Variants in RIMBP2 observed in about 807,000 individuals in gnomAD.
RIMBP2 encodes RIMS-binding protein 2.
A neutral mutation model predicts 118.6 loss-of-function variants in RIMBP2; 48 were observed. That is an observed-to-expected ratio of 0.40 (90% CI 0.32 to 0.51). The LOEUF (loss-of-function observed/expected upper bound fraction) is 0.51. Among genes scored for constraint, RIMBP2 ranks in the 20% least tolerant of loss-of-function variants. The pLI is 0.41. For synonymous variants in RIMBP2, 762 were observed against 742.9 expected, an observed-to-expected ratio of 1.03 and a Z score of -0.42; for missense variants, 1,551 against 1,768.3, an observed-to-expected ratio of 0.88 and a Z score of 2.20.
chr12:130,509,382 G>C (rs2050677589), intron 3 of RIMBP2, among the ~76,000 whole-genome samples: 1 of 152,182 alleles, frequency 6.6e-6, no homozygotes, highest in Non-Finnish European at 1.5e-5. Flanking sequence ...GCAGCTGCAG[G>C]TCCTCTAAGC....
intron 1 of RIMBP2, among the ~76,000 whole-genome samples, chr12:130,697,911 A>T (rs890284524): frequency 2.6e-5 from 4 of 152,238 alleles, no homozygotes; most frequent in African/African-American, 7.2e-5. Context: ...ACTTGCAGGA[A>T]ATGCAAGAAT....
intron 19 of RIMBP2, among the ~76,000 whole-genome samples, chr12:130,410,770 G>C (rs562435210): frequency 4.6e-5 from 7 of 152,288 alleles, no homozygotes; most frequent in South Asian, 4.1e-4. Context: ...CTCTATAGTA[G>C]TAAGCTTGCA....
At chr12:130,592,022 G>A (rs775808684) in intron 2 of RIMBP2, among the ~76,000 whole-genome samples, 8 of 152,202 alleles carry the variant, frequency 5.3e-5, no homozygotes, top group Non-Finnish European at 7.3e-5. Flanking sequence ...AACTCTCAGC[G>A]TCTGCAGGAG....
intron 1 of RIMBP2, among the ~76,000 whole-genome samples, chr12:130,646,173 GCCTCTCCACCTC>G (rs1296406596): frequency 5.0e-4 from 2 of 3,972 alleles, no homozygotes; most frequent in Admixed American, 2.5e-3. Flanking sequence ...CTCACCACCT[GCCTCTCCACCTC>G]CCTCACCACT....
intron 21 of RIMBP2, among the ~76,000 whole-genome samples, chr12:130,405,739 G>A (rs2075112307): frequency 6.6e-6 from 1 of 150,488 alleles, no homozygotes; most frequent in Non-Finnish European, 1.5e-5. Context: ...AGGTAAGGGA[G>A]AAGTCCTAAA....
At chr12:130,675,883 C>A (rs73159188) in intron 1 of RIMBP2, among the ~76,000 whole-genome samples, 5 of 152,220 alleles carry the variant, frequency 3.3e-5, no homozygotes, top group Admixed American at 3.3e-4. Context: ...GGCTAGACCT[C>A]GCATGCTGCA....
chr12:130,553,165 A>AAG (rs1555289407), intron 2 of RIMBP2, among the ~76,000 whole-genome samples: 14 of 150,006 alleles, frequency 9.3e-5, no homozygotes, highest in South Asian at 2.1e-4. Context: ...AAAAAAAAAA[A>AAG]GAAAAGAAAA....
At chr12:130,701,337 G>A (rs960257770) in intron 1 of RIMBP2, among the ~76,000 whole-genome samples, 3 of 152,222 alleles carry the variant, frequency 2.0e-5, no homozygotes, top group Admixed American at 2.0e-4. Context: ...AGAACCAGCA[G>A]GTGTTGTGGT....
chr12:130,499,909 A>C (rs141682972), intron 4 of RIMBP2, among the ~76,000 whole-genome samples: 16 of 152,328 alleles, frequency 1.1e-4, no homozygotes, highest in African/African-American at 3.6e-4. Flanking sequence ...TTTTGAATGA[A>C]TATATCTTTA....
chr12:130,436,572 C>G (rs570069067), intron 13 of RIMBP2, among the ~76,000 whole-genome samples: 3 of 152,336 alleles, frequency 2.0e-5, no homozygotes, highest in Admixed American at 6.5e-5. Context: ...AAGGCCATGT[C>G]TGGATTCTTC....
chr12:130,471,087 T>C (rs1382085647), intron 5 of RIMBP2, among the ~76,000 whole-genome samples: 1 of 152,192 alleles, frequency 6.6e-6, no homozygotes, highest in Non-Finnish European at 1.5e-5. Flanking sequence ...AACCTAATCC[T>C]GCAGACTTGA....
At chr12:130,704,399 A>C (rs951127655) in intron 1 of RIMBP2, among the ~76,000 whole-genome samples, 3 of 152,040 alleles carry the variant, frequency 2.0e-5, no homozygotes, top group African/African-American at 7.2e-5. Flanking sequence ...AATTGGCGAA[A>C]CCCTGTCTCC....
intron 14 of RIMBP2, chr12:130,430,787 C>G (rs921968392): frequency 6.6e-6 from 1 of 152,052 alleles, no homozygotes; most frequent in Non-Finnish European, 1.5e-5. Flanking sequence ...CCTGCCACCA[C>G]GCCCAGCTAA....
rs2140826830 is a variant in RIMBP2 at position 130,621,006 on chromosome 12, GC to G, written c.-217+7315del. On this transcript the variant is annotated intron_variant, in intron 2 of 22. Coordinates refer to ENST00000690449, the MANE Select transcript of RIMBP2 (RefSeq NM_001393629.1). This position sits in a 1 kb window ranked among gnomAD's most constrained non-coding sequence, Gnocchi z 6.6. ...TTAGCCATGGGCGGGCGAGCAACCT[GC>G]CTTGAGATCTGGCTGAATGGGGAGG... is the stretch of plus-strand genomic sequence containing the variant. Among the ~76,000 whole-genome samples, 1 of 152,288 alleles carries G rather than the reference GC, an allele frequency of 6.6e-6. No individual in the cohort carries two copies. The highest frequency in any genetic ancestry group is 2.1e-4 in the South Asian group (1 of 4,826).
At position 130,536,274 on chromosome 12, in the gene RIMBP2, T is replaced by A. The variant is rs2054076044; in HGVS notation, c.-216-18357A>T. On this transcript the variant is annotated intron_variant, in intron 2 of 22. Transcript: ENST00000690449. Reference sequence around the variant, plus strand: ...AAATATAATTTTGGGTTAACAGACATCATCCCCTGGTTATCCCTGGCCTCC... The same window carrying A: ...AAATATAATTTTGGGTTAACAGACAACATCCCCTGGTTATCCCTGGCCTCC... 2.0e-5 allele frequency among the ~76,000 whole-genome samples: 3 copies of A among 152,102 alleles called. No individual in the cohort carries two copies. In the South Asian group the frequency reaches 6.2e-4, roughly 32 times the overall value.
chr12:130,708,895 C>T (rs1002701128), intron 1 of RIMBP2, among the ~76,000 whole-genome samples: 5 of 152,150 alleles, frequency 3.3e-5, no homozygotes, highest in Non-Finnish European at 5.9e-5. Context: ...AACCCAGCTT[C>T]GCGGTCAGGC....
At chr12:130,541,755 C>T (rs909000859) in intron 2 of RIMBP2, among the ~76,000 whole-genome samples, 5 of 152,358 alleles carry the variant, frequency 3.3e-5, no homozygotes, top group Admixed American at 6.5e-5. Flanking sequence ...GCAACATTTA[C>T]GTCACAGCTT....
rs971611816 is a variant in RIMBP2 at position 130,623,448 on chromosome 12, T to C, written c.-217+4874A>G. On this transcript the variant is annotated intron_variant, in intron 2 of 22. Coordinates refer to ENST00000690449, the MANE Select transcript of RIMBP2 (RefSeq NM_001393629.1). This position sits in a 1 kb window ranked among gnomAD's most constrained non-coding sequence, Gnocchi z 4.1. ...TGAAGTAGAGGCACATTTGCACAGA[T>C]TCTCGAGTAATGTACACAGGTAGCA... is the stretch of plus-strand genomic sequence containing the variant. Among the ~76,000 whole-genome samples, 11 of 151,016 alleles carry C rather than the reference T, an allele frequency of 7.3e-5. No homozygotes were observed. Among genetic ancestry groups the C allele is most frequent in the Non-Finnish European group, 1.5e-4 (10 of 67,766 alleles).
intron 3 of RIMBP2, among the ~76,000 whole-genome samples, chr12:130,508,124 C>T (rs1170743887): frequency 2.0e-5 from 3 of 152,082 alleles, no homozygotes; most frequent in South Asian, 2.1e-4. Context: ...AATTAAACCA[C>T]CCTCACTTCT....
Sources: gnomAD v4.1 joint callset for allele counts (sites outside exome capture counted in the v4.1 genomes callset) on GRCh38, gnomAD v4.1.1 for gene constraint, Gnocchi (gnomAD v3.1) non-coding constraint, MANE v1.5 for transcripts, NCBI Gene and HGNC (gene_info 2026-07-23, HGNC 2026-07-21) for gene names.